Variants in SIPA1L3 observed in about 807,000 individuals in gnomAD.
SIPA1L3 encodes signal-induced proliferation-associated 1-like protein 3.
Under a neutral mutation model 150.1 loss-of-function variants are expected in SIPA1L3, and 59 were observed. The observed-to-expected ratio is 0.39, with a 90% CI of 0.32 to 0.49. SIPA1L3 has a LOEUF of 0.49. SIPA1L3 is among the 20% of genes least tolerant of loss of function. The pLI is 0.86. For missense variants in SIPA1L3, 2,211 were observed against 2,489.5 expected (o/e 0.89, Z 2.38); for synonymous variants, 1,070 against 1,077.6 (o/e 0.99, Z 0.14).
chr19:38,112,718 G>C (rs188355185), intron 8 of SIPA1L3, among the ~76,000 whole-genome samples: 2 of 152,144 alleles, frequency 1.3e-5, no homozygotes, highest in African/African-American at 4.8e-5. Context: ...GAAAATGTTA[G>C]AGATACAACC....
intron 2 of SIPA1L3, among the ~76,000 whole-genome samples, chr19:38,077,080 A>T (rs1420611521): frequency 1.6e-4 from 24 of 152,238 alleles, no homozygotes; most frequent in Non-Finnish European, 1.2e-4. Flanking sequence ...AGTATGGCTT[A>T]AAAAATGTCA....
At chr19:38,088,011 GA>G (rs1248172187) in intron 3 of SIPA1L3, among the ~76,000 whole-genome samples, 8 of 149,328 alleles carry the variant, frequency 5.4e-5, no homozygotes, top group African/African-American at 1.5e-4. Context: ...GTCTCAAAAA[GA>G]AAAAAAAAGA....
At chr19:38,051,957 C>A (rs142970511) in intron 2 of SIPA1L3, among the ~76,000 whole-genome samples, 1 of 152,294 alleles carries the variant, frequency 6.6e-6, no homozygotes, top group African/African-American at 2.4e-5. Flanking sequence ...GCATATATTG[C>A]CTGCATGTAC....
chr19:38,092,370 TA>T (rs528197351), intron 4 of SIPA1L3, among the ~76,000 whole-genome samples: 73 of 144,428 alleles, frequency 5.1e-4, no homozygotes, highest in Admixed American at 5.5e-4. Flanking sequence ...AGTATAATAT[TA>T]AAAAAAAAAA....
Position 38,079,800 on chromosome 19 carries a change from C to G in SIPA1L3, c.-310-1456C>G, listed in dbSNP as rs527797861. 7.0e-4 allele frequency among the ~76,000 whole-genome samples: 106 copies of G among 151,118 alleles called. 1 individual carries two copies. The highest frequency in any genetic ancestry group is 1.4e-3 in the Non-Finnish European group (96 of 68,008). On this transcript the variant is annotated intron_variant, in intron 2 of 21. Coordinates refer to ENST00000222345, the MANE Select transcript of SIPA1L3 (RefSeq NM_015073.3). Reference sequence around the variant, plus strand: ...TGAGCTGCTGGGCTCAAGTGATCCACCCGCCTTGGCCTCCCAAAGTGCTGG... The same window carrying G: ...TGAGCTGCTGGGCTCAAGTGATCCAGCCGCCTTGGCCTCCCAAAGTGCTGG...
chr19:38,070,783 C>T (rs1969697940), intron 2 of SIPA1L3, among the ~76,000 whole-genome samples: 1 of 152,180 alleles, frequency 6.6e-6, no homozygotes, highest in Non-Finnish European at 1.5e-5. Context: ...ACTGCTGAGT[C>T]ACTGGATGCA....
intron 1 of SIPA1L3, among the ~76,000 whole-genome samples, chr19:37,938,379 C>A (rs1453783543): frequency 6.6e-6 from 1 of 152,154 alleles, no homozygotes; most frequent in Non-Finnish European, 1.5e-5. Context: ...TTTAGCTTTG[C>A]CAGATATTAC....
intron 1 of SIPA1L3, among the ~76,000 whole-genome samples, chr19:37,959,887 A>T (rs1207179987): frequency 1.3e-5 from 2 of 149,816 alleles, no homozygotes; most frequent in Non-Finnish European, 3.0e-5. Context: ...AGCCTACTTC[A>T]GATTAATATT....
intron 1 of SIPA1L3, among the ~76,000 whole-genome samples, chr19:38,008,671 C>CT (rs1157941797): frequency 6.6e-6 from 1 of 152,132 alleles, no homozygotes; most frequent in Middle Eastern, 3.2e-3. Context: ...ATCCTCCTGC[C>CT]TCAGCCTCTT....
chr19:38,140,955 G>A (rs1163256354), intron 10 of SIPA1L3, among the ~76,000 whole-genome samples: 1 of 151,478 alleles, frequency 6.6e-6, no homozygotes, highest in Non-Finnish European at 1.5e-5. Flanking sequence ...CTACTCAGGA[G>A]GCTGAGGCAC....
chr19:38,172,161 G>C (rs1291901142), intron 15 of SIPA1L3, among the ~76,000 whole-genome samples: 1 of 152,190 alleles, frequency 6.6e-6, no homozygotes, highest in Non-Finnish European at 1.5e-5. Context: ...TGTGGATGTG[G>C]CAGCAGGCGG....
Position 38,198,502 on chromosome 19 carries a change from A to G in SIPA1L3, c.4954A>G (p.Ser1652Gly). Residue 1652 changes from serine to glycine, a missense_variant, in exon 19 of 22, where the codon AGC (serine) becomes GGC (glycine). Coordinates refer to ENST00000222345, the MANE Select transcript of SIPA1L3 (RefSeq NM_015073.3). ...CACAGCTGCTGGCCTCGAGTGGTCC[A>G]GCCTGGTGAACGCAGCCAAGGCATA... ...PDTAAGLEWSSLVNAAKAYEV... is the reference protein window; with the variant it reads ...PDTAAGLEWSGLVNAAKAYEV... 6.3e-7 allele frequency: 1 copy of G among 1,591,854 alleles called. No individual in the cohort carries two copies. The highest frequency in any genetic ancestry group is 8.5e-7 in the Non-Finnish European group (1 of 1,170,362).
chr19:38,128,574 A>C (rs1311170721), intron 9 of SIPA1L3, among the ~76,000 whole-genome samples: 2 of 152,170 alleles, frequency 1.3e-5, no homozygotes, highest in Non-Finnish European at 2.9e-5. Context: ...TAAAACACGA[A>C]TTTGTAGAGT....
At chr19:38,127,787 G>T (rs1322371302) in intron 9 of SIPA1L3, among the ~76,000 whole-genome samples, 4 of 152,242 alleles carry the variant, frequency 2.6e-5, no homozygotes, top group Non-Finnish European at 5.9e-5. Context: ...GAGATTACAG[G>T]TGTGAGGCAC....
At chr19:38,186,306 CTATTTATTT>C (rs1406643422) in intron 16 of SIPA1L3, 1 of 151,788 alleles carries the variant, frequency 6.6e-6, no homozygotes, top group Non-Finnish European at 1.5e-5. Flanking sequence ...ATTTATTAAT[CTATTTATTT>C]TATTTATTTA....
At chr19:38,018,765 T>C (rs905837681) in intron 1 of SIPA1L3, among the ~76,000 whole-genome samples, 9 of 152,230 alleles carry the variant, frequency 5.9e-5, no homozygotes, top group African/African-American at 2.2e-4. Flanking sequence ...ACTGAACTTA[T>C]ATATGTACCT....
At chr19:38,135,268 G>A (rs1317982932) in intron 10 of SIPA1L3, among the ~76,000 whole-genome samples, 1 of 152,162 alleles carries the variant, frequency 6.6e-6, no homozygotes, top group African/African-American at 2.4e-5. Context: ...CTGAACCTGA[G>A]GGTGTGGCCA....
intron 12 of SIPA1L3, among the ~76,000 whole-genome samples, chr19:38,149,241 A>C (rs2145954515): frequency 6.6e-6 from 1 of 152,282 alleles, no homozygotes. Flanking sequence ...TCTCTAATAA[A>C]AATACAAAAA....
chr19:38,034,526 C>T (rs775925021), intron 2 of SIPA1L3, among the ~76,000 whole-genome samples: 9 of 63,102 alleles, frequency 1.4e-4, no homozygotes, highest in East Asian at 4.3e-4. Context: ...TCCGGGGGTG[C>T]GGGGGGTGGG....
Sources: gnomAD v4.1 joint callset for allele counts (sites outside exome capture counted in the v4.1 genomes callset) on GRCh38, gnomAD v4.1.1 for gene constraint, MANE v1.5 for transcripts, NCBI Gene and HGNC (gene_info 2026-07-23, HGNC 2026-07-21) for gene names.